Variants in MGLL observed in about 807,000 individuals in gnomAD.
MGLL encodes the protein monoglyceride lipase.
In MGLL, 7 loss-of-function variants were observed where a neutral mutation model predicts 29.1. That is an observed-to-expected ratio of 0.24 (90% CI 0.14 to 0.45). The LOEUF is 0.45. Ranked by LOEUF, MGLL falls within the 20% of genes least tolerant of loss-of-function variation. The pLI is 0.99. For missense variants in MGLL, 356 were observed against 413.6 expected, an observed-to-expected ratio of 0.86 and a Z score of 1.21; for synonymous variants, 148 against 168.3, an observed-to-expected ratio of 0.88 and a Z score of 0.93.
At chr3:127,814,686 G>A in intron 2 of MGLL, among the ~76,000 whole-genome samples, 1 of 152,198 alleles carries the variant, frequency 6.6e-6, no homozygotes, top group Non-Finnish European at 1.5e-5. Flanking sequence ...GCAACTGGAA[G>A]AAATTATCCC....
intron 2 of MGLL, among the ~76,000 whole-genome samples, chr3:127,795,717 A>T (rs879579390): frequency 7.6e-4 from 116 of 152,262 alleles, no homozygotes; most frequent in Non-Finnish European, 1.4e-3. Context: ...TGAAAAAAGC[A>T]TGCCACCAAA....
intron 3 of MGLL, among the ~76,000 whole-genome samples, chr3:127,779,147 C>T (rs1206741291): frequency 6.6e-6 from 1 of 152,146 alleles, no homozygotes; most frequent in Non-Finnish European, 1.5e-5. Flanking sequence ...GAGTGGATCA[C>T]CTGAGGTCAG....
chr3:127,696,103 G>C (rs994233000), intron 6 of MGLL, among the ~76,000 whole-genome samples: 6 of 152,204 alleles, frequency 3.9e-5, no homozygotes, highest in African/African-American at 1.4e-4. Flanking sequence ...GGCTACACAG[G>C]GTGGTCAGAC....
chr3:127,767,042 C>G (rs1291890904), intron 3 of MGLL, among the ~76,000 whole-genome samples: 2 of 151,844 alleles, frequency 1.3e-5, no homozygotes, highest in African/African-American at 2.4e-5. Context: ...CACTGCACTC[C>G]AGCCCGAGTG....
chr3:127,748,487 C>G (rs1254035655), intron 3 of MGLL, among the ~76,000 whole-genome samples: 1 of 151,710 alleles, frequency 6.6e-6, no homozygotes, highest in Non-Finnish European at 1.5e-5. Flanking sequence ...GCTGTTTCCC[C>G]AGATTCACAG....
chr3:127,754,731 A>G (rs1365177841), intron 3 of MGLL, among the ~76,000 whole-genome samples: 1 of 152,136 alleles, frequency 6.6e-6, no homozygotes, highest in Non-Finnish European at 1.5e-5. Flanking sequence ...CGTAGGCTTC[A>G]CGCTGGATCT....
chr3:127,818,146 G>A (rs13066844), intron 2 of MGLL, among the ~76,000 whole-genome samples: 1 of 152,138 alleles, frequency 6.6e-6, no homozygotes, highest in Non-Finnish European at 1.5e-5. Flanking sequence ...ATTTTTAGTA[G>A]AGAGGGAGTT....
chr3:127,805,229 A>T (rs186339451), intron 2 of MGLL, among the ~76,000 whole-genome samples: 1 of 152,228 alleles, frequency 6.6e-6, no homozygotes, highest in Non-Finnish European at 1.5e-5. Context: ...GATGGCTCCA[A>T]GTTCCTCTGG....
chr3:127,749,447 A>G (rs898694119), intron 3 of MGLL, among the ~76,000 whole-genome samples: 2 of 152,228 alleles, frequency 1.3e-5, no homozygotes, highest in Non-Finnish European at 2.9e-5. Context: ...AAATTCAGAT[A>G]CCATTCATTA....
intron 6 of MGLL, among the ~76,000 whole-genome samples, chr3:127,702,119 G>A (rs1028688465): frequency 3.3e-5 from 5 of 152,230 alleles, no homozygotes; most frequent in Non-Finnish European, 5.9e-5. Context: ...GAGATGGAGC[G>A]GGGTCCAGAC....
intron 6 of MGLL, among the ~76,000 whole-genome samples, chr3:127,709,412 C>A (rs1231180558): frequency 6.6e-6 from 1 of 152,214 alleles, no homozygotes; most frequent in Non-Finnish European, 1.5e-5. Context: ...AAGCAGCTGG[C>A]CCTCAGAGGC....
At chr3:127,815,664 C>T (rs1017554137) in intron 2 of MGLL, among the ~76,000 whole-genome samples, 3 of 152,194 alleles carry the variant, frequency 2.0e-5, no homozygotes, top group African/African-American at 7.2e-5. Flanking sequence ...GAACACCATC[C>T]AGGACACAGG....
intron 3 of MGLL, among the ~76,000 whole-genome samples, chr3:127,775,217 C>T (rs535581786): frequency 3.3e-5 from 5 of 152,130 alleles, no homozygotes; most frequent in Admixed American, 6.5e-5. Context: ...CTGTCACCCA[C>T]CCTCGGAGTT....
chr3:127,775,787 T>C (rs1027077747), intron 3 of MGLL, among the ~76,000 whole-genome samples: 1 of 152,202 alleles, frequency 6.6e-6, no homozygotes, highest in Non-Finnish European at 1.5e-5. Flanking sequence ...AAGGGCCCTT[T>C]CCAGCAGGAC....
intron 2 of MGLL, among the ~76,000 whole-genome samples, chr3:127,797,660 T>A (rs1419051271): frequency 6.6e-6 from 1 of 152,170 alleles, no homozygotes. Flanking sequence ...CAGGCTGGAG[T>A]GCAGTGGTGT....
intron 4 of MGLL, among the ~76,000 whole-genome samples, chr3:127,721,582 T>C (rs2075926307): frequency 1.3e-5 from 2 of 150,402 alleles, no homozygotes. Context: ...TACTTTTTCC[T>C]GGTTTAGTAA....
chr3:127,796,841 G>A (rs533022951), intron 2 of MGLL, among the ~76,000 whole-genome samples: 19 of 152,324 alleles, frequency 1.2e-4, no homozygotes, highest in African/African-American at 3.8e-4. Context: ...ATAAATGTGC[G>A]AAAGCAAATC....
intron 2 of MGLL, 45 bp downstream of exon 2, chr3:127,821,649 C>A (rs1332432464): frequency 1.2e-6 from 2 of 1,607,314 alleles, no homozygotes; most frequent in Non-Finnish European, 1.7e-6. Flanking sequence ...GAAGCAGGGG[C>A]CATGCTCCCC....
At chr3:127,718,023 C>T (rs912423668) in intron 5 of MGLL, among the ~76,000 whole-genome samples, 3 of 152,046 alleles carry the variant, frequency 2.0e-5, no homozygotes, top group African/African-American at 7.3e-5. Flanking sequence ...ATGTTTGGGG[C>T]CCCCCCATCC....
Sources: allele counts gnomAD v4.1 joint callset (sites outside exome capture counted in the v4.1 genomes callset), GRCh38; gene constraint gnomAD v4.1.1; transcripts MANE v1.5; gene names NCBI Gene and HGNC (gene_info 2026-07-23, HGNC 2026-07-21).